The following CFAP47 variants were observed in gnomAD, a reference collection of about 807,000 sequenced individuals.
The protein encoded by CFAP47 is cilia- and flagella-associated protein 47.
CFAP47 carries 29 observed loss-of-function variants against 148.1 expected under a neutral mutation model. The observed-to-expected ratio is 0.20, with a 90% confidence interval of 0.15 to 0.27. The LOEUF is 0.27. CFAP47 is among the 10% of genes least tolerant of loss of function. CFAP47 has a pLI of 1.00. For synonymous variants in CFAP47, 664 were observed against 577.3 expected, an observed-to-expected ratio of 1.15 and a Z score of -2.15; for missense variants, 1,872 against 1,697.5, an observed-to-expected ratio of 1.10 and a Z score of -1.81.
chrX:36,277,339 G>A (rs1424453548), intron 49 of CFAP47, among the ~76,000 whole-genome samples: 2 of 111,734 alleles, frequency 1.8e-5, no homozygotes, highest in Non-Finnish European at 3.8e-5. Flanking sequence ...GTTGATGATA[G>A]TAAATGTTAT....
At chrX:36,110,296 G>GT (rs1244154483) in intron 33 of CFAP47, among the ~76,000 whole-genome samples, 1 of 111,526 alleles carries the variant, frequency 9.0e-6, no homozygotes, top group Non-Finnish European at 1.9e-5. Context: ...TATATATAGT[G>GT]TAAGGAAGGG....
intron 23 of CFAP47, among the ~76,000 whole-genome samples, chrX:36,032,280 G>A (rs1937288472): frequency 9.1e-6 from 1 of 109,677 alleles, no homozygotes; most frequent in Non-Finnish European, 1.9e-5. Flanking sequence ...CTCTTTTGAG[G>A]AGAAAGAGGG....
At chrX:36,194,632 A>C (rs935036671) in intron 42 of CFAP47, among the ~76,000 whole-genome samples, 1 of 111,440 alleles carries the variant, frequency 9.0e-6, no homozygotes, top group African/African-American at 3.3e-5. Context: ...GCAGAAGGAG[A>C]AGGAGAAACA....
intron 59 of CFAP47, among the ~76,000 whole-genome samples, chrX:36,350,687 TA>T (rs1312141761): frequency 2.2e-4 from 22 of 101,859 alleles, no homozygotes; most frequent in African/African-American, 4.9e-4. Context: ...TATTATTATT[TA>T]TTTATTTTTT....
At chrX:36,379,941 A>G (rs891422495) in intron 63 of CFAP47, 1 of 113,454 alleles carries the variant, frequency 8.8e-6, no homozygotes, top group African/African-American at 3.3e-5. Flanking sequence ...TCTAACATAA[A>G]AAAAAGGAAT....
chrX:36,377,045 C>T (rs782592720), intron 62 of CFAP47, among the ~76,000 whole-genome samples: 79 of 111,177 alleles, frequency 7.1e-4, no homozygotes, highest in African/African-American at 2.6e-3. Context: ...TGGGTTGGCT[C>T]CAAGTCTTTG....
chrX:35,970,832 G>C lies in CFAP47; in HGVS notation c.1879G>C (p.Glu627Gln), dbSNP rs775602003. The C allele has an allele frequency of 2.9e-5, 35 of 1,189,776 alleles. No individual in the cohort carries two copies. Among genetic ancestry groups the C allele is most frequent in the Non-Finnish European group, 3.9e-5 (34 of 881,616 alleles). ...TCATGATTTTGCATATACTACATTTGAAAAACAGCAAAAGAAATTACATGA... is the reference window on the plus strand; with the variant it reads ...TCATGATTTTGCATATACTACATTTCAAAAACAGCAAAAGAAATTACATGA... ...VNHDFAYTTF[E>Q]KQQKKLHENY... The change falls in exon 11 of 64, where the codon GAA becomes CAA. Residue 627 changes from glutamate to glutamine, a missense_variant. Physicochemically the swap from Glu to Gln is conservative, Grantham distance 29. Transcript: ENST00000378653.
At chrX:36,277,090 G>C (rs969687155) in intron 49 of CFAP47, among the ~76,000 whole-genome samples, 1 of 111,779 alleles carries the variant, frequency 8.9e-6, no homozygotes, top group East Asian at 2.8e-4. Flanking sequence ...ATTTCTTACA[G>C]TATATTCTTA....
In CFAP47 at chrX:36,000,284, A is replaced by G. The variant is rs989781237; in HGVS notation, c.3179A>G (p.Asp1060Gly). 1.0e-5 allele frequency: 3 copies of G among 292,284 alleles called. No homozygotes were observed. Among genetic ancestry groups the G allele is most frequent in the Non-Finnish European group, 1.8e-5 (3 of 167,938 alleles). The allele number at this position is 292,284 out of a possible 1,213,427, so 24.1% of individuals were successfully genotyped here. A position where few individuals can be genotyped will look rare whatever the true frequency, so the allele number is the denominator to read the frequency against. The change falls in exon 20 of 64, where the codon GAT (aspartate) becomes GGT (glycine). Residue 1060 changes from aspartate to glycine, a missense_variant and splice_region_variant. Asp to Gly is a moderately conservative substitution (Grantham distance 94). Coordinates refer to ENST00000378653, the MANE Select transcript of CFAP47 (RefSeq NM_001304548.2). ...AEIADVEINP[D>G]VFNFSGAYIG... ...TTATTTTTATTTTTTAAATTTTAGG[A>G]TGTATTTAATTTCAGTGGCGCCTAT...
chrX:36,056,987 C>A, intron 26 of CFAP47, among the ~76,000 whole-genome samples: 1 of 112,038 alleles, frequency 8.9e-6, no homozygotes. Context: ...ACGTGTTACT[C>A]CCTAATAATC....
chrX:36,232,123 A>C (rs1412605117), intron 46 of CFAP47, among the ~76,000 whole-genome samples: 4 of 111,411 alleles, frequency 3.6e-5, no homozygotes, highest in South Asian at 3.8e-4. Flanking sequence ...TGATGCCGGC[A>C]TCATAAAATG....
At chrX:36,178,023 T>C (rs1425659155) in intron 39 of CFAP47, among the ~76,000 whole-genome samples, 1 of 111,857 alleles carries the variant, frequency 8.9e-6, no homozygotes, top group Non-Finnish European at 1.9e-5. Context: ...GAGATCATGT[T>C]CTTTGCAAAA....
intron 49 of CFAP47, among the ~76,000 whole-genome samples, chrX:36,267,074 T>C (rs1265102084): frequency 1.8e-5 from 2 of 112,288 alleles, no homozygotes; most frequent in African/African-American, 6.5e-5. Flanking sequence ...GTCTTTGACA[T>C]TGAAAGAAAC....
Position 36,306,758 on chromosome X carries a change from T to C in CFAP47, c.8083-14T>C, listed in dbSNP as rs1556008916. The stretch of plus-strand genomic sequence containing the variant: ...TTAATTTTTGTTCCCCCTTTGCTTT[T>C]TCCATTTACACAGCTGATCATATCT... On this transcript the variant is annotated splice_polypyrimidine_tract_variant and intron_variant, in intron 54 of 63. Transcript: ENST00000378653. The C allele has an allele frequency of 9.0e-7, 1 of 1,110,141 alleles. No individual in the cohort carries two copies. Among genetic ancestry groups the C allele is most frequent in the Non-Finnish European group, 1.2e-6 (1 of 827,655 alleles). The allele number at this position is 1,110,141 out of a possible 1,213,427, so 91.5% of individuals were successfully genotyped here. A position where few individuals can be genotyped will look rare whatever the true frequency, so the allele number is the denominator to read the frequency against.
At chrX:35,990,371 C>T (rs1028181202) in intron 16 of CFAP47, among the ~76,000 whole-genome samples, 1 of 111,328 alleles carries the variant, frequency 9.0e-6, no homozygotes, top group African/African-American at 3.3e-5. Flanking sequence ...CCTTTGGCTA[C>T]TGCTTGCTTT....
chrX:36,087,021 AG>A (rs1465208308), intron 30 of CFAP47, among the ~76,000 whole-genome samples: 1 of 111,729 alleles, frequency 9.0e-6, no homozygotes, highest in Non-Finnish European at 1.9e-5. Flanking sequence ...CAGACATTTC[AG>A]GCAGAGAAGA....
chrX:36,028,618 G>T (rs1271500586), intron 22 of CFAP47, among the ~76,000 whole-genome samples: 1 of 110,946 alleles, frequency 9.0e-6, no homozygotes, highest in Non-Finnish European at 1.9e-5. Flanking sequence ...TTAAGCTATC[G>T]TAAATGAGAT....
At chrX:36,338,684 A>G (rs1941628671) in intron 57 of CFAP47, among the ~76,000 whole-genome samples, 1 of 111,540 alleles carries the variant, frequency 9.0e-6, no homozygotes, top group African/African-American at 3.3e-5. Context: ...TTCTATCCAC[A>G]TTCATTTCTA....
intron 57 of CFAP47, among the ~76,000 whole-genome samples, chrX:36,324,874 C>T (rs2146969507): frequency 9.0e-6 from 1 of 111,203 alleles, no homozygotes; most frequent in South Asian, 3.8e-4. Flanking sequence ...ATTTTATAAA[C>T]TAAAATTACT....
Sources: allele counts gnomAD v4.1 joint callset (sites outside exome capture counted in the v4.1 genomes callset), GRCh38; gene constraint gnomAD v4.1.1; transcripts MANE v1.5; gene names NCBI Gene and HGNC (gene_info 2026-07-23, HGNC 2026-07-21).